The following FAM118A variants were observed in gnomAD, a reference collection of about 807,000 sequenced individuals.
FAM118A encodes the protein protein FAM118A.
A neutral mutation model predicts 38.2 loss-of-function variants in FAM118A; 25 were observed. The observed-to-expected ratio is 0.65, with a 90% CI of 0.48 to 0.91. The LOEUF is 0.91. FAM118A is among the 40% of genes least tolerant of loss of function. The pLI is 0.00. For missense variants in FAM118A, 425 were observed against 463.3 expected, an observed-to-expected ratio of 0.92 and a Z score of 0.76; for synonymous variants, 178 against 184.1, an observed-to-expected ratio of 0.97 and a Z score of 0.27.
intron 1 of FAM118A, among the ~76,000 whole-genome samples, chr22:45,313,259 G>A (rs944850854): frequency 6.6e-6 from 1 of 151,306 alleles, no homozygotes. Context: ...TGTGGGACTA[G>A]AGGACTAGAG....
chr22:45,336,259 C>T (rs2086087534), intron 7 of FAM118A, 69 bp from the exon 8 acceptor site: 3 of 1,291,058 alleles, frequency 2.3e-6, no homozygotes, highest in Admixed American at 1.8e-5. Context: ...AGTAAGGTCA[C>T]ATTATGAACT....
At chr22:45,337,781 C>A in intron 8 of FAM118A, 1 of 973,980 alleles carries the variant, frequency 1.0e-6, no homozygotes, top group Non-Finnish European at 1.2e-6. Context: ...CTCCTGAGGC[C>A]GCTTCTGCAG....
At chr22:45,311,572 G>C (rs949746149) in intron 1 of FAM118A, among the ~76,000 whole-genome samples, 3 of 152,188 alleles carry the variant, frequency 2.0e-5, no homozygotes, top group African/African-American at 7.2e-5. Context: ...GTGATTCTGA[G>C]AGCCAGTCAG....
Position 45,323,415 on chromosome 22 carries a change from G to C in FAM118A, c.288G>C (p.Arg96=), listed in dbSNP as rs1261472635. The C allele has an allele frequency of 1.2e-6, 2 of 1,613,290 alleles. No individual in the cohort carries two copies. Among genetic ancestry groups the C allele is most frequent in the South Asian group, 2.2e-5 (2 of 91,076 alleles). Residue 96 remains arginine (R), a synonymous_variant, in exon 3 of 9, where the codon CGG becomes CGC. Coordinates refer to ENST00000441876, the MANE Select transcript of FAM118A (RefSeq NM_017911.4). Reference sequence around the variant, plus strand: ...TGGTTGTCGCCCATGATCTGATCCGGAAGATGTCACCTGTAAGTGTCAGAC... The same window carrying C: ...TGGTTGTCGCCCATGATCTGATCCGCAAGATGTCACCTGTAAGTGTCAGAC... The part of the protein sequence containing the change: ...DLLVVAHDLI[R]KMSPRTGDAK...
intron 8 of FAM118A, 52 bp from the exon 9 acceptor site, chr22:45,340,334 T>C: frequency 6.2e-7 from 1 of 1,608,932 alleles, no homozygotes; most frequent in Non-Finnish European, 8.5e-7. Flanking sequence ...TGCAAATAAC[T>C]TCTTTTAGCT....
At chr22:45,313,021 TCCTG>T (rs1321085652) in intron 1 of FAM118A, among the ~76,000 whole-genome samples, 6 of 152,192 alleles carry the variant, frequency 3.9e-5, no homozygotes, top group Non-Finnish European at 7.3e-5. Flanking sequence ...AAGGATCTAA[TCCTG>T]CCTTGGTCTT....
rs200977566 is a variant in FAM118A at position 45,330,720 on chromosome 22, G to T, written c.640G>T (p.Ala214Ser). Residue 214 changes from alanine to serine, a missense_variant, in exon 5 of 9, where the codon GCA becomes TCA. Ala to Ser is a moderately conservative substitution (Grantham distance 99, BLOSUM62 1). Coordinates refer to ENST00000441876, the MANE Select transcript of FAM118A (RefSeq NM_017911.4). ...PSGYKDVTQD[A>S]EVMEVLQNLY... Reference sequence around the variant, plus strand: ...GGGGTATAAAGACGTCACTCAAGACGCAGAAGTCATGGTACGGCCCGTCCT... The same window carrying T: ...GGGGTATAAAGACGTCACTCAAGACTCAGAAGTCATGGTACGGCCCGTCCT... 89 of 1,575,936 alleles carry T rather than the reference G, an allele frequency of 5.6e-5. No homozygotes were observed. The highest frequency in any genetic ancestry group is 7.3e-5 in the Non-Finnish European group (85 of 1,164,418).
At chr22:45,339,054 C>G (rs2086297250) in intron 8 of FAM118A, among the ~76,000 whole-genome samples, 1 of 152,186 alleles carries the variant, frequency 6.6e-6, no homozygotes, top group African/African-American at 2.4e-5. Flanking sequence ...TGTGGCAGTC[C>G]TTGTGGGAGA....
intron 4 of FAM118A, chr22:45,328,678 G>T: frequency 1.8e-6 from 1 of 570,644 alleles, no homozygotes; most frequent in Non-Finnish European, 3.1e-6. Flanking sequence ...GGCAACTTGG[G>T]AGGCTGAGGC....
At chr22:45,340,330 T>G in intron 8 of FAM118A, 56 bp from the exon 9 acceptor site, 1 of 1,603,146 alleles carries the variant, frequency 6.2e-7, no homozygotes, top group Non-Finnish European at 8.5e-7. Context: ...CTATTGCAAA[T>G]AACTTCTTTT....
At chr22:45,312,554 A>T (rs1451208029) in intron 1 of FAM118A, among the ~76,000 whole-genome samples, 3 of 152,212 alleles carry the variant, frequency 2.0e-5, no homozygotes, top group East Asian at 3.9e-4. Flanking sequence ...TGCACCTGTA[A>T]TCTCAGCTAC....
chr22:45,321,144 T>C (rs2084854297), intron 1 of FAM118A, among the ~76,000 whole-genome samples: 1 of 152,168 alleles, frequency 6.6e-6, no homozygotes, highest in Non-Finnish European at 1.5e-5. Context: ...TGAGACGGAG[T>C]CTTGCTCTGT....
At chr22:45,329,768 G>A (rs947180599) in intron 4 of FAM118A, 10 of 152,276 alleles carry the variant, frequency 6.6e-5, no homozygotes, top group Non-Finnish European at 1.5e-4. Flanking sequence ...CACTGCTGGG[G>A]CTTGCTGTTG....
rs578094847 is a variant in FAM118A, at chr22:45,335,861, G to T, written c.971-467G>T. Reference sequence around the variant, plus strand: ...TTTATAAATTTAATGAGACTCGGTGGCCATGAGCGTCCTCCTGTGTGTGCG... The same window carrying T: ...TTTATAAATTTAATGAGACTCGGTGTCCATGAGCGTCCTCCTGTGTGTGCG... On this transcript the variant is annotated intron_variant, in intron 7 of 8. Coordinates refer to ENST00000441876, the MANE Select transcript of FAM118A (RefSeq NM_017911.4). 7.2e-5 allele frequency among the ~76,000 whole-genome samples: 11 copies of T among 152,324 alleles called. No homozygotes were observed. The South Asian group carries it at 2.3e-3, about 32-fold the overall frequency.
chr22:45,327,831 C>T lies in FAM118A; in HGVS notation c.301-11C>T. The stretch of plus-strand genomic sequence containing the variant: ...TGATGTTTTGGTAACTGTCGTTCCA[C>T]CTTTTTGTAGCGCACAGGCGATGCC... On this transcript the variant is annotated splice_polypyrimidine_tract_variant and intron_variant, in intron 3 of 8. Transcript: ENST00000441876. 1 of 1,614,062 alleles carries T rather than the reference C, an allele frequency of 6.2e-7. No individual in the cohort carries two copies. The highest frequency in any genetic ancestry group is 8.5e-7 in the Non-Finnish European group (1 of 1,179,898).
intron 3 of FAM118A, among the ~76,000 whole-genome samples, chr22:45,323,773 C>T (rs374933803): frequency 1.8e-4 from 27 of 152,244 alleles, no homozygotes; most frequent in African/African-American, 5.3e-4. Context: ...GTAAGCAGGC[C>T]GGCCATATTT....
At chr22:45,334,452 T>C (rs896404140) in intron 6 of FAM118A, among the ~76,000 whole-genome samples, 16 of 152,160 alleles carry the variant, frequency 1.1e-4, no homozygotes, top group Non-Finnish European at 2.1e-4. Flanking sequence ...ATCATTTCTT[T>C]TCAGAATTGC....
chr22:45,326,824 CAAAAAA>C (rs36188767), intron 3 of FAM118A, among the ~76,000 whole-genome samples: 1 of 40,468 alleles, frequency 2.5e-5, no homozygotes, highest in African/African-American at 1.0e-4. Context: ...GACTCTGTCT[CAAAAAA>C]AAAAAAAAAA....
At chr22:45,319,129 G>A (rs1266020418) in intron 1 of FAM118A, among the ~76,000 whole-genome samples, 1 of 152,228 alleles carries the variant, frequency 6.6e-6, no homozygotes, top group Non-Finnish European at 1.5e-5. Context: ...CTTATATGTG[G>A]AGAATCGAAA....
Sources: gnomAD v4.1 joint callset for allele counts (sites outside exome capture counted in the v4.1 genomes callset) on GRCh38, gnomAD v4.1.1 for gene constraint, MANE v1.5 for transcripts, NCBI Gene and HGNC (gene_info 2026-07-23, HGNC 2026-07-21) for gene names.